The following FMNL3 variants were observed in gnomAD, a reference collection of about 807,000 sequenced individuals.
FMNL3 encodes the protein formin like 3.
In FMNL3, 57 loss-of-function variants were observed where a neutral mutation model predicts 119.6. That is an observed-to-expected ratio of 0.48 (90% CI 0.39 to 0.59). FMNL3 has a LOEUF of 0.59. Among genes scored for constraint, FMNL3 ranks in the 20% least tolerant of loss-of-function variants. The probability of loss-of-function intolerance (pLI) is 0.00; values close to 1 mark genes in which losing one functional copy is unlikely to be tolerated. For missense variants in FMNL3, 1,053 were observed against 1,323.5 expected, an observed-to-expected ratio of 0.80 and a Z score of 3.17; for synonymous variants, 491 against 507.3, an observed-to-expected ratio of 0.97 and a Z score of 0.43.
In FMNL3 at chr12:49,644,237, T is replaced by G; in HGVS notation, c.*1578A>C. The G allele has an allele frequency of 6.2e-7, 1 of 1,601,008 alleles. No homozygotes were observed. The highest frequency in any genetic ancestry group is 8.6e-7 in the Non-Finnish European group (1 of 1,168,864). Reference sequence around the variant, plus strand: ...CCTCGGGTCTGTGTGAGGCCATGGCTCCTGGGCCACCCTCACCGTCTGCCT... The same window carrying G: ...CCTCGGGTCTGTGTGAGGCCATGGCGCCTGGGCCACCCTCACCGTCTGCCT... On this transcript the variant is annotated 3_prime_UTR_variant, in exon 26 of 26. Coordinates refer to ENST00000335154, the MANE Select transcript of FMNL3 (RefSeq NM_175736.5).
intron 1 of FMNL3, among the ~76,000 whole-genome samples, chr12:49,702,837 G>A (rs964811025): frequency 2.6e-5 from 4 of 152,102 alleles, no homozygotes; most frequent in African/African-American, 9.7e-5. Context: ...CCACAATCCT[G>A]AGGGCTGGGA....
chr12:49,656,655 T>C (rs529658098), intron 8 of FMNL3, among the ~76,000 whole-genome samples, 158 bp from the exon 9 acceptor site: 77 of 152,204 alleles, frequency 5.1e-4, no homozygotes, highest in African/African-American at 1.8e-3. Flanking sequence ...TACTAAGCTG[T>C]GTAGACCAGA....
intron 1 of FMNL3, among the ~76,000 whole-genome samples, chr12:49,685,780 T>C (rs1944441249): frequency 6.6e-6 from 1 of 152,138 alleles, no homozygotes; most frequent in Non-Finnish European, 1.5e-5. Context: ...AATATTTCTA[T>C]TTAAGGCTGG....
rs537499595 is a variant in FMNL3, at chr12:49,657,745, G to C, written c.606-555C>G. 7.9e-5 allele frequency among the ~76,000 whole-genome samples: 12 copies of C among 152,290 alleles called. No individual in the cohort carries two copies. The South Asian group carries it at 2.5e-3, about 32-fold the overall frequency. On this transcript the variant is annotated intron_variant, in intron 6 of 25. Transcript: ENST00000335154. ...TACAGTATCTGCTCATCCATGACAA[G>C]AATAATCAACAGTGTCCAAGGGACA...
At chr12:49,676,131 G>A (rs184677827) in intron 1 of FMNL3, among the ~76,000 whole-genome samples, 25 of 152,256 alleles carry the variant, frequency 1.6e-4, no homozygotes, top group African/African-American at 5.8e-4. Context: ...GAATAAAATG[G>A]CAGAGACCTG....
chr12:49,647,436 G>C lies in FMNL3; in HGVS notation c.2779-68C>G. 3.3e-6 allele frequency: 5 copies of C among 1,532,818 alleles called. No homozygotes were observed. The South Asian group carries it at 5.6e-5, about 17-fold the overall frequency. The allele number at this position is 1,532,818 out of a possible 1,614,324, so 95.0% of individuals were successfully genotyped here. ...GGCTGTGAGGGGAGGGGCTGACACTGAGGTGGAGAGTGGGTGGCAGTGGGA... is the reference window on the plus strand; with the variant it reads ...GGCTGTGAGGGGAGGGGCTGACACTCAGGTGGAGAGTGGGTGGCAGTGGGA... On this transcript the variant is annotated intron_variant, in intron 23 of 25. Coordinates refer to ENST00000335154, the MANE Select transcript of FMNL3 (RefSeq NM_175736.5). The surrounding 1 kb of genome is among the most constrained non-coding windows in gnomAD (Gnocchi z 4.9).
Position 49,642,397 on chromosome 12 carries a change from G to A in FMNL3, c.*3418C>T. Reference sequence around the variant, plus strand: ...GGTCAGGAGCGTAGCCTGGCCCCAAGCACCCCTCAAGCCTGAGGGCAGCGG... The same window carrying A: ...GGTCAGGAGCGTAGCCTGGCCCCAAACACCCCTCAAGCCTGAGGGCAGCGG... On this transcript the variant is annotated 3_prime_UTR_variant, in exon 26 of 26. Coordinates refer to ENST00000335154, the MANE Select transcript of FMNL3 (RefSeq NM_175736.5). The surrounding 1 kb of genome is among the most constrained non-coding windows in gnomAD (Gnocchi z 5.8). 6.2e-7 allele frequency: 1 copy of A among 1,612,040 alleles called. No individual in the cohort carries two copies. The highest frequency in any genetic ancestry group is 8.5e-7 in the Non-Finnish European group (1 of 1,179,104).
intron 2 of FMNL3, 73 bp downstream of exon 2, chr12:49,668,398 G>A: frequency 7.0e-7 from 1 of 1,427,792 alleles, no homozygotes; most frequent in East Asian, 2.3e-5. Context: ...TGCACTCAAT[G>A]CCTTTGGCCC....
chr12:49,647,679 C>A lies in FMNL3; in HGVS notation c.2778+24G>T. 1.2e-6 allele frequency: 2 copies of A among 1,607,432 alleles called. No individual in the cohort carries two copies. ...AGCCAGTTTTCTCGCAACCAAACTT[C>A]TTAAAAAGCTCTCTGCAGCTTACCT... is the stretch of plus-strand genomic sequence containing the variant. On this transcript the variant is annotated intron_variant, in intron 23 of 25. Transcript: ENST00000335154. The surrounding 1 kb of genome is among the most constrained non-coding windows in gnomAD (Gnocchi z 4.9).
At position 49,644,403 on chromosome 12, in the gene FMNL3, A is replaced by G; in HGVS notation, c.*1412T>C. On this transcript the variant is annotated 3_prime_UTR_variant, in exon 26 of 26. Transcript: ENST00000335154. ...CTGGACTAGTGCAGTCCTTGCCCTC[A>G]GCCCCAGACCAGAGATGGGTGGTAT... 3.4e-6 allele frequency: 2 copies of G among 591,432 alleles called. No homozygotes were observed. The highest frequency in any genetic ancestry group is 1.9e-5 in the South Asian group (1 of 51,454). The allele number at this position is 591,432 out of a possible 1,614,324, so 36.6% of individuals were successfully genotyped here.
rs79513259 is a variant in FMNL3, at chr12:49,672,941, C to T, written c.127-4387G>A. Among the ~76,000 whole-genome samples, 198 of 152,268 alleles carry T rather than the reference C, an allele frequency of 1.3e-3. 1 individual carries two copies. In the East Asian group the frequency reaches 0.016, roughly 12 times the overall value. ...AACAGAGACCAAAATGGCATAGCTT[C>T]GAGAGACAGGGAGAGAGACGTTTGT... On this transcript the variant is annotated intron_variant, in intron 1 of 25. Coordinates refer to ENST00000335154, the MANE Select transcript of FMNL3 (RefSeq NM_175736.5).
At chr12:49,682,961 A>G (rs1944373512) in intron 1 of FMNL3, among the ~76,000 whole-genome samples, 1 of 152,174 alleles carries the variant, frequency 6.6e-6, no homozygotes, top group Non-Finnish European at 1.5e-5. Flanking sequence ...GTGGAGAGAT[A>G]TGGGAGAGAT....
Position 49,640,981 on chromosome 12 carries a change from G to T in FMNL3, c.*4834C>A, listed in dbSNP as rs1164347340. 2 of 152,232 alleles carry T rather than the reference G, an allele frequency of 1.3e-5. No individual in the cohort carries two copies. The highest frequency in any genetic ancestry group is 2.9e-5 in the Non-Finnish European group (2 of 68,066). 9.4% of individuals were successfully genotyped at this position (152,232 alleles called of 1,614,324 possible). On this transcript the variant is annotated 3_prime_UTR_variant, in exon 26 of 26. Coordinates refer to ENST00000335154, the MANE Select transcript of FMNL3 (RefSeq NM_175736.5). ...AAGTACCCTTGGAAAGAAGAAAGAG[G>T]AGCACACCTCTGCCATCAGCAAAAA...
At chr12:49,651,582 A>T in intron 14 of FMNL3, 132 bp from the exon 15 acceptor site, 1 of 846,778 alleles carries the variant, frequency 1.2e-6, no homozygotes, top group Non-Finnish European at 1.7e-6. Flanking sequence ...GCCTACATGA[A>T]CTCTGCTCAA....
chr12:49,641,609 C>A lies in FMNL3; in HGVS notation c.*4206G>T. 1 of 371,338 alleles carries A rather than the reference C, an allele frequency of 2.7e-6. No individual in the cohort carries two copies. The highest frequency in any genetic ancestry group is 4.0e-5 in the South Asian group (1 of 25,162). The allele number at this position is 371,338 out of a possible 1,614,324, so 23.0% of individuals were successfully genotyped here. On this transcript the variant is annotated 3_prime_UTR_variant, in exon 26 of 26. Transcript: ENST00000335154. ...GAGCAGCAGGAGGGCCCAGCTGGGG[C>A]CAGAGCTTTAAGCCAAAGGAACAAA...
rs896259670 is a variant in FMNL3, at chr12:49,653,815, G to A, written c.1131C>T (p.Asn377=). 3.1e-6 allele frequency: 5 copies of A among 1,614,196 alleles called. No individual in the cohort carries two copies. Among genetic ancestry groups the A allele is most frequent in the Non-Finnish European group, 4.2e-6 (5 of 1,180,042 alleles). ...CCAACAAACCCCCGACATCAAACAC[G>A]TTGTCCAGATATGCCTGAATCTGCA... is the stretch of plus-strand genomic sequence containing the variant. The part of the protein sequence containing the change: ...LQVQIQAYLD[N]VFDVGGLLED... Residue 377 remains asparagine, a synonymous_variant, in exon 12 of 26, where the codon AAC becomes AAT. Transcript: ENST00000335154.
rs151181775 is a variant in FMNL3, at chr12:49,643,272, C to T, written c.*2543G>A. The T allele has an allele frequency of 5.0e-6, 8 of 1,614,078 alleles. No individual in the cohort carries two copies. Among genetic ancestry groups the T allele is most frequent in the Admixed American group, 1.7e-5 (1 of 59,992 alleles). ...CTGCCCCCACCATCTCTCCGGCCCC[C>T]CAAGCGGAGGAGGCGGAACCCCTCA... On this transcript the variant is annotated 3_prime_UTR_variant, in exon 26 of 26. Coordinates refer to ENST00000335154, the MANE Select transcript of FMNL3 (RefSeq NM_175736.5).
Position 49,640,920 on chromosome 12 carries a change from A to G in FMNL3, c.*4895T>C, listed in dbSNP as rs1187065548. On this transcript the variant is annotated 3_prime_UTR_variant, in exon 26 of 26. Coordinates refer to ENST00000335154, the MANE Select transcript of FMNL3 (RefSeq NM_175736.5). ...TGGAGCTTTCAATTCCCTGAGAATG[A>G]ATGCTGTGTTGATAAGGACTGTAGC... is the stretch of plus-strand genomic sequence containing the variant. The G allele has an allele frequency of 6.6e-6, 1 of 152,170 alleles. No homozygotes were observed. The highest frequency in any genetic ancestry group is 2.4e-5 in the African/African-American group (1 of 41,408). The allele number at this position is 152,170 out of a possible 1,614,324, so 9.4% of individuals were successfully genotyped here.
At chr12:49,661,511 A>C (rs374940886) in intron 5 of FMNL3, among the ~76,000 whole-genome samples, 198 of 152,344 alleles carry the variant, frequency 1.3e-3, no homozygotes, top group South Asian at 0.011. Context: ...TATCCAGGTC[A>C]AAAGGAACTC....
Sources: allele counts gnomAD v4.1 joint callset (sites outside exome capture counted in the v4.1 genomes callset), GRCh38; gene constraint gnomAD v4.1.1; non-coding constraint Gnocchi (gnomAD v3.1); transcripts MANE v1.5; gene names NCBI Gene and HGNC (gene_info 2026-07-23, HGNC 2026-07-21).